ARHGEF11: variants seen among roughly 807,000 people sequenced by gnomAD.
The protein encoded by ARHGEF11 is Rho guanine exchange factor (GEF) 11.
In ARHGEF11, 55 loss-of-function variants were observed where a neutral mutation model predicts 193.7. The observed-to-expected ratio is 0.28, with a 90% CI of 0.23 to 0.36. The LOEUF (loss-of-function observed/expected upper bound fraction) is 0.36, where lower values mean the gene tolerates loss of function less well. ARHGEF11 is among the 10% of genes least tolerant of loss of function. The probability of loss-of-function intolerance (pLI) is 1.00; values close to 1 mark genes in which losing one functional copy is unlikely to be tolerated. For synonymous variants in ARHGEF11, 693 were observed against 768.0 expected, an observed-to-expected ratio of 0.90 and a Z score of 1.62; for missense variants, 1,723 against 2,005.6, an observed-to-expected ratio of 0.86 and a Z score of 2.69.
chr1:157,030,255 T>C (rs1031165261), intron 1 of ARHGEF11, among the ~76,000 whole-genome samples: 4 of 152,134 alleles, frequency 2.6e-5, no homozygotes, highest in East Asian at 1.9e-4. Context: ...TACACAAAGA[T>C]AGGGCCCCTG....
intron 21 of ARHGEF11, 134 bp from the exon 22 acceptor site, chr1:156,951,833 G>A (rs1315743999): frequency 8.4e-7 from 1 of 1,186,168 alleles, no homozygotes; most frequent in African/African-American, 1.5e-5. Flanking sequence ...CCAAGAGTCA[G>A]GAGATGTGTT....
At chr1:157,027,886 G>A (rs1180012711) in intron 1 of ARHGEF11, among the ~76,000 whole-genome samples, 1 of 152,182 alleles carries the variant, frequency 6.6e-6, no homozygotes, top group Non-Finnish European at 1.5e-5. Flanking sequence ...AGGTCGCCAT[G>A]TAGAAAGATA....
chr1:157,017,722 A>G (rs1052914964), intron 1 of ARHGEF11, among the ~76,000 whole-genome samples: 12 of 151,362 alleles, frequency 7.9e-5, no homozygotes, highest in East Asian at 3.9e-4. Context: ...AAAAAAAAAA[A>G]AAAAAAAAAG....
intron 37 of ARHGEF11, 75 bp from the exon 38 acceptor site, chr1:156,938,588 GGAGA>G (rs578001673): frequency 6.9e-7 from 1 of 1,449,164 alleles, no homozygotes; most frequent in Non-Finnish European, 9.6e-7. Context: ...AGAACAGGAA[GGAGA>G]GAGGGCAGGA....
At chr1:156,978,534 C>T in intron 5 of ARHGEF11, 152 bp from the exon 6 acceptor site, 1 of 1,315,836 alleles carries the variant, frequency 7.6e-7, no homozygotes, top group Non-Finnish European at 9.9e-7. Context: ...CACCCATTCT[C>T]TAATCCCTGC....
chr1:156,956,777 C>T (rs1344899712), intron 18 of ARHGEF11, among the ~76,000 whole-genome samples: 4 of 152,166 alleles, frequency 2.6e-5, no homozygotes, highest in Non-Finnish European at 5.9e-5. Flanking sequence ...CCACAGGTAA[C>T]CAAGAATAAG....
intron 38 of ARHGEF11, among the ~76,000 whole-genome samples, chr1:156,937,954 C>T (rs766322202): frequency 5.9e-5 from 9 of 152,182 alleles, no homozygotes; most frequent in Non-Finnish European, 8.8e-5. Flanking sequence ...CTTGACCCAA[C>T]CAAGGGGTGT....
In ARHGEF11 at chr1:156,947,396, A is replaced by T. The variant is rs1271542554; in HGVS notation, c.2396T>A (p.Ile799Asn). The T allele has an allele frequency of 3.7e-6, 6 of 1,614,044 alleles. No individual in the cohort carries two copies. The highest frequency in any genetic ancestry group is 5.1e-6 in the Non-Finnish European group (6 of 1,179,978). ...CTCCTTCTTCATTCGCTGGTAGAAGATCAGGTCCAGGACCCGGAGTGTGCG... is the reference window on the plus strand; with the variant it reads ...CTCCTTCTTCATTCGCTGGTAGAAGTTCAGGTCCAGGACCCGGAGTGTGCG... ...HLRTLRVLDL[I>N]FYQRMKKENL... is the part of the protein sequence containing the mutation. The change falls in exon 26 of 41, where the codon ATC becomes AAC. Residue 799 changes from isoleucine to asparagine, a missense_variant. By Grantham distance (149) the Ile-to-Asn change is moderately radical (BLOSUM62 -3). This residue lies in a region of ARHGEF11 where 491 missense variants were observed against 654.5 expected (regional missense o/e 0.75). Coordinates refer to ENST00000368194, the MANE Select transcript of ARHGEF11 (RefSeq NM_198236.3).
intron 4 of ARHGEF11, 75 bp from the exon 5 acceptor site, chr1:156,979,361 CTT>C (rs36031299): frequency 0.043 from 21,196 of 498,364 alleles, 1 homozygote; most frequent in East Asian, 0.067. Flanking sequence ...CAAAATGCCA[CTT>C]TTTTTTTTTT....
chr1:156,954,418 A>C (rs1024159633), intron 21 of ARHGEF11, among the ~76,000 whole-genome samples: 3 of 139,756 alleles, frequency 2.1e-5, no homozygotes, highest in South Asian at 4.6e-4. Flanking sequence ...AAAAAAAAAA[A>C]TCTGAGGCAC....
At chr1:156,957,588 C>A (rs1660148402) in intron 18 of ARHGEF11, among the ~76,000 whole-genome samples, 1 of 152,222 alleles carries the variant, frequency 6.6e-6, no homozygotes, top group African/African-American at 2.4e-5. Flanking sequence ...AGGCAGTGAT[C>A]CCTGAGCATC....
At position 156,943,969 on chromosome 1, in the gene ARHGEF11, C is replaced by T. The variant is rs1006787028; in HGVS notation, c.3201G>A (p.Lys1067=). ...DSKQTFSPVL[K]LNAVLIRSVA... ...CAGAGCGGATGAGCACAGCATTGAG[C>T]TTGAGCACGGGGCTGAAGGTCTGCT... The change falls in exon 32 of 41, where the codon AAG becomes AAA. Residue 1067 remains lysine (K), a synonymous_variant. Coordinates refer to ENST00000368194, the MANE Select transcript of ARHGEF11 (RefSeq NM_198236.3). 1 of 1,614,070 alleles carries T rather than the reference C, an allele frequency of 6.2e-7. No individual in the cohort carries two copies. The highest frequency in any genetic ancestry group is 8.5e-7 in the Non-Finnish European group (1 of 1,179,946).
intron 7 of ARHGEF11, among the ~76,000 whole-genome samples, chr1:156,975,611 G>C (rs1382619617): frequency 6.6e-6 from 1 of 152,072 alleles, no homozygotes; most frequent in Non-Finnish European, 1.5e-5. Context: ...TCATATCTAA[G>C]AAACCACTGC....
rs77726843 is a variant in ARHGEF11, at chr1:156,994,649, G to A, written c.33-8476C>T. Among the ~76,000 whole-genome samples the A allele has an allele frequency of 5.2e-3, 798 of 152,290 alleles. 10 individuals carry two copies. The highest frequency in any genetic ancestry group is 0.018 in the African/African-American group (757 of 41,558). On this transcript the variant is annotated intron_variant, in intron 1 of 40. Coordinates refer to ENST00000368194, the MANE Select transcript of ARHGEF11 (RefSeq NM_198236.3). ...GAGAAGGGAGGCAGAGAACTCGTGTGTTGAGAAGGTTGGTTAGCTTGGTTC... is the reference window on the plus strand; with the variant it reads ...GAGAAGGGAGGCAGAGAACTCGTGTATTGAGAAGGTTGGTTAGCTTGGTTC...
At chr1:157,026,088 T>C (rs906486706) in intron 1 of ARHGEF11, among the ~76,000 whole-genome samples, 1 of 152,158 alleles carries the variant, frequency 6.6e-6, no homozygotes, top group East Asian at 1.9e-4. Flanking sequence ...ATGAAGCCAA[T>C]TCTCAGTGAA....
intron 1 of ARHGEF11, among the ~76,000 whole-genome samples, chr1:157,015,290 C>T (rs78425985): frequency 6.6e-6 from 1 of 152,276 alleles, no homozygotes; most frequent in East Asian, 1.9e-4. Context: ...TACTTACCAG[C>T]TGTGTGATTT....
chr1:156,954,616 CAGG>C (rs1659672961), intron 21 of ARHGEF11, among the ~76,000 whole-genome samples: 1 of 152,196 alleles, frequency 6.6e-6, no homozygotes, highest in African/African-American at 2.4e-5. Context: ...GCTGTCCCTG[CAGG>C]AGAAGGGGCC....
At chr1:156,973,370 G>C (rs1662793711) in intron 7 of ARHGEF11, among the ~76,000 whole-genome samples, 1 of 152,206 alleles carries the variant, frequency 6.6e-6, no homozygotes, top group South Asian at 2.1e-4. Context: ...ATAGCAAGTG[G>C]TGTGATTATT....
intron 25 of ARHGEF11, 101 bp from the exon 26 acceptor site, chr1:156,947,551 G>C: frequency 1.4e-6 from 2 of 1,418,026 alleles, no homozygotes; most frequent in Non-Finnish European, 1.9e-6. Context: ...TCTATTTTTG[G>C]GGGAACTGAA....
Sources: gnomAD v4.1 joint callset for allele counts (sites outside exome capture counted in the v4.1 genomes callset) on GRCh38, gnomAD v4.1.1 for gene constraint, gnomAD v4.1.1 regional missense constraint, MANE v1.5 for transcripts, NCBI Gene and HGNC (gene_info 2026-07-23, HGNC 2026-07-21) for gene names.